Variants in APBA2 observed in about 807,000 individuals in gnomAD.
The protein encoded by APBA2 is amyloid beta precursor protein binding family A member 2.
In APBA2, 30 loss-of-function variants were observed where a neutral mutation model predicts 75.0. The ratio of observed to expected loss-of-function variants is 0.40; its 90% CI spans 0.30 to 0.54. APBA2 has a LOEUF of 0.54. APBA2 is among the 20% of genes least tolerant of loss of function. APBA2 has a pLI of 0.49. For synonymous variants in APBA2, 444 were observed against 409.6 expected, an observed-to-expected ratio of 1.08 and a Z score of -1.01; for missense variants, 801 against 1,016.1, an observed-to-expected ratio of 0.79 and a Z score of 2.88.
chr15:28,988,374 C>T (rs1259593514), intron 2 of APBA2, among the ~76,000 whole-genome samples: 2 of 151,894 alleles, frequency 1.3e-5, no homozygotes, highest in African/African-American at 4.8e-5. Flanking sequence ...AGCGATTCTC[C>T]TACCTCAGCT....
chr15:29,043,159 C>T (rs985480948), intron 3 of APBA2, among the ~76,000 whole-genome samples: 2 of 152,152 alleles, frequency 1.3e-5, no homozygotes, highest in African/African-American at 4.8e-5. Flanking sequence ...TGCTTTCAGG[C>T]GTGGACTACA....
At chr15:29,012,425 T>A (rs1453409172) in intron 3 of APBA2, among the ~76,000 whole-genome samples, 1 of 152,152 alleles carries the variant, frequency 6.6e-6, no homozygotes, top group Admixed American at 6.5e-5. Flanking sequence ...TCTGAAAAAG[T>A]GCCATTCTTA....
chr15:29,059,594 A>G (rs1383779129), intron 4 of APBA2, among the ~76,000 whole-genome samples: 1 of 152,314 alleles, frequency 6.6e-6, no homozygotes, highest in East Asian at 1.9e-4. Flanking sequence ...CATATAATTA[A>G]TTATTTATAA....
intron 2 of APBA2, among the ~76,000 whole-genome samples, chr15:28,983,266 T>C (rs1292136584): frequency 6.6e-6 from 1 of 152,178 alleles, no homozygotes; most frequent in Non-Finnish European, 1.5e-5. Context: ...TCATGTAAGG[T>C]GGTCCTTGTC....
Position 29,043,791 on chromosome 15 carries a change from C to T in APBA2, c.-40-10054C>T, listed in dbSNP as rs138140295. The stretch of plus-strand genomic sequence containing the variant: ...AAAGAGAACACATCCCTTTGTGACC[C>T]TAAGCTAGGTTAGAGAGCCTTGCTT... On this transcript the variant is annotated intron_variant, in intron 3 of 14. Coordinates refer to ENST00000683413, the MANE Select transcript of APBA2 (RefSeq NM_001353788.2). 8.5e-5 allele frequency among the ~76,000 whole-genome samples: 13 copies of T among 152,312 alleles called. No individual in the cohort carries two copies. The East Asian group carries it at 2.5e-3, about 29-fold the overall frequency.
At chr15:29,072,497 G>A (rs1801912578) in intron 4 of APBA2, among the ~76,000 whole-genome samples, 1 of 152,152 alleles carries the variant, frequency 6.6e-6, no homozygotes, top group Non-Finnish European at 1.5e-5. Flanking sequence ...GCCATAGCAG[G>A]AAGATCAGTG....
chr15:29,093,370 T>C, intron 7 of APBA2, 150 bp downstream of exon 7: 1 of 1,236,166 alleles, frequency 8.1e-7, no homozygotes, highest in South Asian at 1.3e-5. Flanking sequence ...CCAACGAGGC[T>C]GAGGGAGGCT....
intron 3 of APBA2, among the ~76,000 whole-genome samples, chr15:29,006,312 C>G (rs2039113679): frequency 6.6e-6 from 1 of 152,134 alleles, no homozygotes; most frequent in Admixed American, 6.5e-5. Context: ...AGTGAGCAAT[C>G]TGGAAGGGGA....
At chr15:28,920,974 C>T (rs562286695) in intron 1 of APBA2, among the ~76,000 whole-genome samples, 4 of 152,192 alleles carry the variant, frequency 2.6e-5, no homozygotes, top group South Asian at 2.1e-4. Context: ...GCTGGCTGAG[C>T]GCTGATGGCC....
chr15:28,915,776 C>CCA (rs1186870916), intron 1 of APBA2, among the ~76,000 whole-genome samples: 12 of 149,878 alleles, frequency 8.0e-5, no homozygotes, highest in African/African-American at 2.2e-4. Context: ...ACATTACACT[C>CCA]CACACACACA....
chr15:29,011,397 T>G (rs2039397507), intron 3 of APBA2, among the ~76,000 whole-genome samples: 1 of 152,220 alleles, frequency 6.6e-6, no homozygotes, highest in African/African-American at 2.4e-5. Flanking sequence ...AAATGTGGGT[T>G]ATTTTAAAGT....
chr15:28,968,909 G>A (rs2036884153), intron 2 of APBA2, among the ~76,000 whole-genome samples: 1 of 152,106 alleles, frequency 6.6e-6, no homozygotes, highest in Non-Finnish European at 1.5e-5. Context: ...ACGCTTTGCT[G>A]GACAGGAAAT....
chr15:28,947,036 C>T (rs2035587407), intron 2 of APBA2, among the ~76,000 whole-genome samples: 1 of 152,240 alleles, frequency 6.6e-6, no homozygotes, highest in Non-Finnish European at 1.5e-5. Flanking sequence ...CAGTTGTTCT[C>T]TCCCATCACG....
intron 4 of APBA2, among the ~76,000 whole-genome samples, chr15:29,065,300 T>C (rs1202752571): frequency 6.6e-6 from 1 of 151,570 alleles, no homozygotes; most frequent in East Asian, 2.0e-4. Flanking sequence ...CAAGAAGTTA[T>C]AGAAGTATCT....
intron 1 of APBA2, among the ~76,000 whole-genome samples, chr15:28,906,916 A>G (rs1441306818): frequency 6.6e-6 from 1 of 152,012 alleles, no homozygotes; most frequent in African/African-American, 2.4e-5. Context: ...TATATTGCAG[A>G]TATTTTTTTC....
chr15:29,091,215 G>C (rs1161584146), intron 6 of APBA2, among the ~76,000 whole-genome samples: 1 of 152,132 alleles, frequency 6.6e-6, no homozygotes, highest in African/African-American at 2.4e-5. Context: ...GTGAATGGAG[G>C]ATATTTAAAA....
chr15:28,918,634 G>T lies in APBA2; in HGVS notation c.-204-3006G>T, dbSNP rs1403659155. Among the ~76,000 whole-genome samples, 14 of 151,748 alleles carry T rather than the reference G, an allele frequency of 9.2e-5. No individual in the cohort carries two copies. Among genetic ancestry groups the T allele is most frequent in the Non-Finnish European group, 1.8e-4 (12 of 67,882 alleles). ...TGTGGGTGTGGTGGGGTTGGGGGTGGGGGTGGGGCTGGGGGTGGTTGCAGC... is the reference window on the plus strand; with the variant it reads ...TGTGGGTGTGGTGGGGTTGGGGGTGTGGGTGGGGCTGGGGGTGGTTGCAGC... On this transcript the variant is annotated intron_variant, in intron 1 of 14. Coordinates refer to ENST00000683413, the MANE Select transcript of APBA2 (RefSeq NM_001353788.2). This position sits in a 1 kb window ranked among gnomAD's most constrained non-coding sequence, Gnocchi z 4.2.
intron 2 of APBA2, among the ~76,000 whole-genome samples, chr15:28,930,851 C>T (rs1206161188): frequency 6.6e-6 from 1 of 152,200 alleles, no homozygotes; most frequent in Non-Finnish European, 1.5e-5. Flanking sequence ...CCATGCCCCT[C>T]GGGAGTGCTC....
chr15:28,897,182 G>C (rs1008333735), intron 1 of APBA2, among the ~76,000 whole-genome samples: 2 of 148,050 alleles, frequency 1.4e-5, no homozygotes, highest in African/African-American at 5.0e-5. Flanking sequence ...CAAAAGACAC[G>C]ACACACACAC....
Sources: allele counts gnomAD v4.1 joint callset (sites outside exome capture counted in the v4.1 genomes callset), GRCh38; gene constraint gnomAD v4.1.1; non-coding constraint Gnocchi (gnomAD v3.1); transcripts MANE v1.5; gene names NCBI Gene and HGNC (gene_info 2026-07-23, HGNC 2026-07-21).